Variants in NR6A1 observed in about 807,000 individuals in gnomAD.
NR6A1 encodes nuclear receptor subfamily 6 group A member 1.
NR6A1 carries 7 observed loss-of-function variants against 59.1 expected under a neutral mutation model. The observed-to-expected ratio is 0.12, with a 90% CI of 0.07 to 0.22. The LOEUF (loss-of-function observed/expected upper bound fraction) is 0.22, where lower values mean the gene tolerates loss of function less well. NR6A1 is among the 10% of genes least tolerant of loss of function. The pLI is 1.00. For synonymous variants in NR6A1, 243 were observed against 236.1 expected, an observed-to-expected ratio of 1.03 and a Z score of -0.27; for missense variants, 468 against 611.6, an observed-to-expected ratio of 0.77 and a Z score of 2.48.
chr9:124,617,805 T>G (rs941333978), intron 2 of NR6A1, among the ~76,000 whole-genome samples: 14 of 152,166 alleles, frequency 9.2e-5, no homozygotes, highest in African/African-American at 3.4e-4. Context: ...TTGGGAGGTA[T>G]GGCAGACCCT....
intron 1 of NR6A1, among the ~76,000 whole-genome samples, chr9:124,748,156 T>C (rs1346106238): frequency 6.6e-6 from 1 of 152,232 alleles, no homozygotes. Flanking sequence ...AGTGATATAC[T>C]AGGCAAGATG....
At chr9:124,759,334 A>G (rs1198561511) in intron 1 of NR6A1, among the ~76,000 whole-genome samples, 2 of 152,200 alleles carry the variant, frequency 1.3e-5, no homozygotes, top group Non-Finnish European at 1.5e-5. Flanking sequence ...TTAATCTGGG[A>G]TATCTAGTCA....
intron 2 of NR6A1, among the ~76,000 whole-genome samples, chr9:124,620,989 G>A (rs1836052116): frequency 2.0e-5 from 3 of 152,106 alleles, no homozygotes; most frequent in Non-Finnish European, 2.9e-5. Context: ...GAAAAATGAT[G>A]TTCAGATTAG....
At chr9:124,626,986 T>C (rs867045382) in intron 2 of NR6A1, among the ~76,000 whole-genome samples, 1 of 152,114 alleles carries the variant, frequency 6.6e-6, no homozygotes, top group Non-Finnish European at 1.5e-5. Flanking sequence ...GAAGCTACCA[T>C]TACAGGAATT....
intron 7 of NR6A1, among the ~76,000 whole-genome samples, chr9:124,533,281 G>C (rs1440072274): frequency 6.6e-6 from 1 of 152,234 alleles, no homozygotes; most frequent in Non-Finnish European, 1.5e-5. Context: ...TGGAGCAGGA[G>C]ACAGGAATTT....
chr9:124,665,010 C>CAA lies in NR6A1; in HGVS notation c.142+68296_142+68297dup, dbSNP rs59451556. On this transcript the variant is annotated intron_variant, in intron 2 of 9. Transcript: ENST00000487099. ...CAATATAATAAGATCCTTGTATCTC[C>CAA]AAAAAAAAAAAAAAAAAAAAAAAAA... Among the ~76,000 whole-genome samples, 60 of 13,712 alleles carry CAA rather than the reference C, an allele frequency of 4.4e-3. 11 individuals are homozygous for CAA. Among genetic ancestry groups the CAA allele is most frequent in the Middle Eastern group, 0.071 (1 of 14 alleles). The allele number at this position is 13,712 out of a possible 152,430, so 9.0% of individuals were successfully genotyped here. A position where few individuals can be genotyped will look rare whatever the true frequency, so the allele number is the denominator to read the frequency against.
At chr9:124,574,660 C>A (rs1212791087) in intron 2 of NR6A1, among the ~76,000 whole-genome samples, 1 of 152,186 alleles carries the variant, frequency 6.6e-6, no homozygotes, top group East Asian at 1.9e-4. Context: ...AGTCCCACAA[C>A]TGATTTATAT....
At chr9:124,547,218 T>C (rs964247091) in intron 3 of NR6A1, among the ~76,000 whole-genome samples, 2 of 152,214 alleles carry the variant, frequency 1.3e-5, no homozygotes, top group Admixed American at 6.5e-5. Flanking sequence ...CTCATATGCC[T>C]ACCATTCTTC....
At position 124,771,088 on chromosome 9, in the gene NR6A1, C is replaced by T. The variant is rs1245665373; in HGVS notation, c.32G>A (p.Gly11Glu). MERDEPPPSGGGGGGGSAGFL... is the reference protein window; with the variant it reads MERDEPPPSGEGGGGGSAGFL... ...CCCCGCCGAGCCCCCGCCGCCTCCC[C>T]CTCCGCTAGGCGGCGGTTCGTCCCG... The change falls in exon 1 of 10, where the codon GGG becomes GAG. Residue 11 changes from glycine (G) to glutamate (E), a missense_variant. Coordinates refer to ENST00000487099, the MANE Select transcript of NR6A1 (RefSeq NM_033334.4). The T allele has an allele frequency of 8.1e-7, 1 of 1,230,444 alleles. No individual in the cohort carries two copies. Among genetic ancestry groups the T allele is most frequent in the Non-Finnish European group, 1.0e-6 (1 of 986,902 alleles). 76.2% of individuals were successfully genotyped at this position (1,230,444 alleles called of 1,614,324 possible). A position where few individuals can be genotyped will look rare whatever the true frequency, so the allele number is the denominator to read the frequency against.
At chr9:124,597,828 G>C (rs1406475878) in intron 2 of NR6A1, among the ~76,000 whole-genome samples, 1 of 152,170 alleles carries the variant, frequency 6.6e-6, no homozygotes, top group Non-Finnish European at 1.5e-5. Flanking sequence ...GAATGCAAAA[G>C]ATGAACTCTA....
At chr9:124,703,972 T>G (rs1019908391) in intron 2 of NR6A1, among the ~76,000 whole-genome samples, 4 of 152,172 alleles carry the variant, frequency 2.6e-5, no homozygotes, top group Admixed American at 2.6e-4. Context: ...CATGCTTCTT[T>G]TAAGTGTTTG....
chr9:124,528,062 G>A lies in NR6A1; in HGVS notation c.1080-1162C>T, dbSNP rs1405599707. ...TTCCTGGTGAGATCTTCAGATCTGC[G>A]CACTACAGGCCTGTGCCAAGCCAAG... On this transcript the variant is annotated intron_variant, in intron 7 of 9. Transcript: ENST00000487099. 3.9e-5 allele frequency among the ~76,000 whole-genome samples: 6 copies of A among 152,298 alleles called. No individual in the cohort carries two copies. In the East Asian group the frequency reaches 9.7e-4, roughly 25 times the overall value.
Position 124,750,862 on chromosome 9 carries a change from G to A in NR6A1, c.101-17513C>T, listed in dbSNP as rs183267872. On this transcript the variant is annotated intron_variant, in intron 1 of 9. Coordinates refer to ENST00000487099, the MANE Select transcript of NR6A1 (RefSeq NM_033334.4). Reference sequence around the variant, plus strand: ...TTTCAAAGACCATACTTGTCTCCACGGCTAAAATTGAAGTCTGGCTTTAAT... The same window carrying A: ...TTTCAAAGACCATACTTGTCTCCACAGCTAAAATTGAAGTCTGGCTTTAAT... 4.1e-4 allele frequency among the ~76,000 whole-genome samples: 63 copies of A among 152,138 alleles called. 1 individual carries two copies. Among genetic ancestry groups the A allele is most frequent in the Non-Finnish European group, 7.2e-4 (49 of 67,992 alleles).
At chr9:124,607,614 T>C (rs1411883526) in intron 2 of NR6A1, among the ~76,000 whole-genome samples, 1 of 152,178 alleles carries the variant, frequency 6.6e-6, no homozygotes, top group Admixed American at 6.5e-5. Context: ...TAAAATAGGT[T>C]GTTAGCATTA....
chr9:124,683,508 T>C (rs1469515229), intron 2 of NR6A1, among the ~76,000 whole-genome samples: 1 of 152,174 alleles, frequency 6.6e-6, no homozygotes, highest in South Asian at 2.1e-4. Flanking sequence ...ATAAATACAA[T>C]TGCTGCCGGG....
chr9:124,703,684 T>C, intron 2 of NR6A1, among the ~76,000 whole-genome samples: 1 of 152,256 alleles, frequency 6.6e-6, no homozygotes, highest in East Asian at 1.9e-4. Context: ...CCTGTGTTCG[T>C]AAAGGGCTAC....
intron 2 of NR6A1, among the ~76,000 whole-genome samples, chr9:124,560,091 T>C (rs189810124): frequency 2.6e-5 from 4 of 152,304 alleles, no homozygotes; most frequent in East Asian, 3.9e-4. Context: ...GGAGCTGGAA[T>C]TGCAATTCAA....
intron 2 of NR6A1, among the ~76,000 whole-genome samples, chr9:124,704,770 C>T (rs1323232378): frequency 2.0e-5 from 3 of 152,168 alleles, no homozygotes; most frequent in Admixed American, 1.3e-4. Flanking sequence ...GACAGGGTCT[C>T]ACTCTATCAC....
chr9:124,553,661 CA>C (rs1242791613), intron 3 of NR6A1, among the ~76,000 whole-genome samples: 1 of 149,540 alleles, frequency 6.7e-6, no homozygotes, highest in East Asian at 2.0e-4. Flanking sequence ...AGTATGTCAC[CA>C]ACTCCTATCA....
Sources: gnomAD v4.1 joint callset for allele counts (sites outside exome capture counted in the v4.1 genomes callset) on GRCh38, gnomAD v4.1.1 for gene constraint, MANE v1.5 for transcripts, NCBI Gene and HGNC (gene_info 2026-07-23, HGNC 2026-07-21) for gene names.